The following LCK variants were observed in gnomAD, a reference collection of about 807,000 sequenced individuals.
LCK encodes LCK proto-oncogene, Src family tyrosine kinase, also known as tyrosine-protein kinase Lck.
A neutral mutation model predicts 64.6 loss-of-function variants in LCK; 14 were observed. That is an observed-to-expected ratio of 0.22 (90% confidence interval 0.14 to 0.34). The LOEUF (loss-of-function observed/expected upper bound fraction) is 0.34, where lower values mean the gene tolerates loss of function less well. LCK is among the 10% of genes least tolerant of loss of function. The probability of loss-of-function intolerance (pLI) is 1.00; values close to 1 mark genes in which losing one functional copy is unlikely to be tolerated. For missense variants in LCK, 434 were observed against 668.1 expected (o/e 0.65, Z 3.86); for synonymous variants, 277 against 263.6 (o/e 1.05, Z -0.49).
At chr1:32,256,796 C>T (rs2124305503) in intron 1 of LCK, among the ~76,000 whole-genome samples, 1 of 152,250 alleles carries the variant, frequency 6.6e-6, no homozygotes, top group East Asian at 1.9e-4. Context: ...ACCTGTACAC[C>T]ACTCAGGTGT....
rs997631218 is a variant in LCK at position 32,279,880 on chromosome 1, A to G, written c.1081A>G (p.Ile361Val). 1.2e-6 allele frequency: 2 copies of G among 1,614,194 alleles called. No individual in the cohort carries two copies. Among genetic ancestry groups the G allele is most frequent in the Non-Finnish European group, 1.7e-6 (2 of 1,180,040 alleles). Residue 361 changes from isoleucine to valine, a missense_variant, in exon 11 of 13, where the codon ATT (isoleucine) becomes GTT (valine). This residue lies in a region of LCK where 201 missense variants were observed against 376.9 expected (regional missense o/e 0.53). Transcript: ENST00000336890. ...GMAFIEERNY[I>V]HRDLRAANIL... ...GGCATTCATTGAAGAGCGGAATTAT[A>G]TTCATCGTGACCTTCGGGCTGCCAA...
At chr1:32,252,794 C>T (rs1367096586) in intron 1 of LCK, among the ~76,000 whole-genome samples, 3 of 152,168 alleles carry the variant, frequency 2.0e-5, no homozygotes, top group African/African-American at 7.2e-5. Context: ...GGAAAGCTTC[C>T]TGCAAGAGTC....
At chr1:32,255,816 T>A (rs1023784642) in intron 1 of LCK, among the ~76,000 whole-genome samples, 1 of 150,938 alleles carries the variant, frequency 6.6e-6, no homozygotes, top group African/African-American at 2.4e-5. Flanking sequence ...TTTTTTTTTT[T>A]TTTTGAGACA....
Position 32,274,737 on chromosome 1 carries a change from C to T in LCK, c.106C>T (p.Leu36=). Residue 36 remains leucine (L), a splice_region_variant and synonymous_variant, in exon 3 of 13, where the codon CTG becomes TTG. Coordinates refer to ENST00000336890, the MANE Select transcript of LCK (RefSeq NM_005356.5). ...PIVPLDGKGT[L]LIRNGSEVRD... Reference sequence around the variant, plus strand: ...CCCACCCTCATCCCCCACTCCACAGCTGCTCATCCGAAATGGCTCTGAGGT... The same window carrying T: ...CCCACCCTCATCCCCCACTCCACAGTTGCTCATCCGAAATGGCTCTGAGGT... 6.3e-7 allele frequency: 1 copy of T among 1,580,638 alleles called. No homozygotes were observed. The highest frequency in any genetic ancestry group is 8.6e-7 in the Non-Finnish European group (1 of 1,160,986).
In LCK at chr1:32,252,360, C is replaced by A. The variant is rs562597301; in HGVS notation, c.-6+989C>A. 3.3e-5 allele frequency among the ~76,000 whole-genome samples: 5 copies of A among 152,282 alleles called. No homozygotes were observed. In the East Asian group the frequency reaches 7.7e-4, roughly 23 times the overall value. The stretch of plus-strand genomic sequence containing the variant: ...GGGAGGTGGAGAGAGACTGGGGAGG[C>A]ATAGTTGCTACCTGCTCACCTCCTC... On this transcript the variant is annotated intron_variant, in intron 1 of 12. Coordinates refer to ENST00000336890, the MANE Select transcript of LCK (RefSeq NM_005356.5).
intron 12 of LCK, among the ~76,000 whole-genome samples, chr1:32,280,516 C>T (rs1419724561): frequency 4.0e-5 from 5 of 125,574 alleles, no homozygotes; most frequent in East Asian, 2.6e-4. Flanking sequence ...GGTGCAGTGG[C>T]GCCATCTTGG....
chr1:32,258,957 G>A (rs554592463), intron 1 of LCK, among the ~76,000 whole-genome samples: 81 of 151,624 alleles, frequency 5.3e-4, no homozygotes, highest in Non-Finnish European at 5.3e-4. Context: ...ATGGGAGGTC[G>A]AGGCTGCAGT....
intron 1 of LCK, among the ~76,000 whole-genome samples, chr1:32,259,023 CAA>C (rs980173335): frequency 2.6e-5 from 3 of 116,906 alleles, no homozygotes. Context: ...GATACCATCT[CAA>C]AAAAAAAAAA....
In LCK at chr1:32,275,111, G is replaced by A. The variant is rs1348006251; in HGVS notation, c.278+28G>A. 1 of 1,588,854 alleles carries A rather than the reference G, an allele frequency of 6.3e-7. No individual in the cohort carries two copies. Among genetic ancestry groups the A allele is most frequent in the Non-Finnish European group, 8.6e-7 (1 of 1,161,464 alleles). On this transcript the variant is annotated intron_variant, in intron 4 of 12. Coordinates refer to ENST00000336890, the MANE Select transcript of LCK (RefSeq NM_005356.5). The surrounding 1 kb of genome is among the most constrained non-coding windows in gnomAD (Gnocchi z 6.9). ...GAGTCCCTCTCCACCTTGCTCTGGC[G>A]GAGTCCGTGAGGGAGCGGCGATCTC...
intron 9 of LCK, among the ~76,000 whole-genome samples, chr1:32,279,065 A>G (rs1640369568): frequency 6.6e-6 from 1 of 152,190 alleles, no homozygotes; most frequent in Non-Finnish European, 1.5e-5. Context: ...TGGATGGATG[A>G]AACAAGGTTC....
intron 1 of LCK, among the ~76,000 whole-genome samples, chr1:32,255,067 C>T (rs1353329522): frequency 6.6e-6 from 1 of 152,166 alleles, no homozygotes; most frequent in Non-Finnish European, 1.5e-5. Context: ...CAGCCTCCTC[C>T]AATCCCACTT....
At chr1:32,278,047 T>C (rs1407826209) in intron 9 of LCK, among the ~76,000 whole-genome samples, 2 of 152,008 alleles carry the variant, frequency 1.3e-5, no homozygotes, top group Admixed American at 1.3e-4. Context: ...GGCATAGTGG[T>C]GTATGCCTGT....
intron 1 of LCK, among the ~76,000 whole-genome samples, chr1:32,253,697 G>T (rs896846051): frequency 6.6e-6 from 1 of 152,190 alleles, no homozygotes; most frequent in African/African-American, 2.4e-5. Flanking sequence ...GTGGGCCAGT[G>T]AACCACCCAT....
intron 1 of LCK, among the ~76,000 whole-genome samples, chr1:32,255,518 C>T (rs1299426622): frequency 3.9e-5 from 6 of 152,322 alleles, no homozygotes; most frequent in Non-Finnish European, 5.9e-5. Flanking sequence ...TTTCACTAAA[C>T]GTTAGCTTGG....
Position 32,274,827 on chromosome 1 carries a change from A to G in LCK, c.187+9A>G. 1.9e-6 allele frequency: 3 copies of G among 1,613,978 alleles called. No homozygotes were observed. The highest frequency in any genetic ancestry group is 2.5e-6 in the Non-Finnish European group (3 of 1,179,950). On this transcript the variant is annotated intron_variant, in intron 3 of 12. Transcript: ENST00000336890. ...GGCTTCCCCACTGCAAGGTGACCCCAGGCAGCAGGGCCTGAAAGACAAGGC... is the reference window on the plus strand; with the variant it reads ...GGCTTCCCCACTGCAAGGTGACCCCGGGCAGCAGGGCCTGAAAGACAAGGC...
intron 12 of LCK, among the ~76,000 whole-genome samples, chr1:32,283,343 T>A (rs1039771721): frequency 1.3e-5 from 2 of 151,656 alleles, no homozygotes; most frequent in African/African-American, 4.8e-5. Context: ...GAGGCTCCCT[T>A]GTACAAGTCC....
At chr1:32,264,134 T>C (rs998831590) in intron 1 of LCK, among the ~76,000 whole-genome samples, 5 of 152,156 alleles carry the variant, frequency 3.3e-5, no homozygotes, top group Admixed American at 3.3e-4. Flanking sequence ...TGCACAGACT[T>C]GCATTCAACA....
chr1:32,272,605 A>AAGAGAG (rs377566341), intron 1 of LCK, among the ~76,000 whole-genome samples: 1 of 135,664 alleles, frequency 7.4e-6, no homozygotes, highest in African/African-American at 2.8e-5. Flanking sequence ...GAGAGAGAGA[A>AAGAGAG]AGAGAGAGAG....
intron 1 of LCK, among the ~76,000 whole-genome samples, chr1:32,254,756 C>A (rs191975387): frequency 6.6e-6 from 1 of 152,082 alleles, no homozygotes; most frequent in African/African-American, 2.4e-5. Context: ...AGGTGATCCG[C>A]CTGCCTCAGC....
Sources: gnomAD v4.1 joint callset for allele counts (sites outside exome capture counted in the v4.1 genomes callset) on GRCh38, gnomAD v4.1.1 for gene constraint, gnomAD v4.1.1 regional missense constraint, Gnocchi (gnomAD v3.1) non-coding constraint, MANE v1.5 for transcripts, NCBI Gene and HGNC (gene_info 2026-07-23, HGNC 2026-07-21) for gene names.